Variants in ADAMTS4 observed in about 807,000 individuals in gnomAD.
ADAMTS4 encodes the protein A disintegrin and metalloproteinase with thrombospondin motifs 4.
ADAMTS4 carries 38 observed loss-of-function variants against 66.7 expected under a neutral mutation model. The observed-to-expected ratio is 0.57, with a 90% CI of 0.44 to 0.75. The LOEUF (loss-of-function observed/expected upper bound fraction) is 0.75. Among genes scored for constraint, ADAMTS4 ranks in the 30% least tolerant of loss-of-function variants. ADAMTS4 has a pLI of 0.00. For synonymous variants in ADAMTS4, 418 were observed against 461.5 expected (o/e 0.91, Z 1.21); for missense variants, 1,014 against 1,116.7 (o/e 0.91, Z 1.31).
rs139491371 is a variant in ADAMTS4, at chr1:161,191,373, C to T, written c.2279G>A (p.Arg760His). ...DVVLPGAVSL[R>H]YSGATAASET... ...TGAGGCTGCAGTGGCCCCGCTGTAG[C>T]GCAAGCTGACTGCCCCAGGCAGTAC... The change falls in exon 9 of 9, where the codon CGC (arginine) becomes CAC (histidine). Residue 760 changes from arginine to histidine, a missense_variant. Transcript: ENST00000367996. 63 of 1,614,038 alleles carry T rather than the reference C, an allele frequency of 3.9e-5. 1 individual carries two copies. The highest frequency in any genetic ancestry group is 4.7e-5 in the Non-Finnish European group (56 of 1,180,022).
chr1:161,192,255 A>C lies in ADAMTS4; in HGVS notation c.1912-15T>G. The stretch of plus-strand genomic sequence containing the variant: ...CCATCTACCACCTGAGGAAAAGAGA[A>C]AGAACAATGCTGAAGGTTCCTCCTA... On this transcript the variant is annotated splice_polypyrimidine_tract_variant and intron_variant, in intron 7 of 8. Transcript: ENST00000367996. 6.2e-7 allele frequency: 1 copy of C among 1,611,778 alleles called. No individual in the cohort carries two copies. The highest frequency in any genetic ancestry group is 8.5e-7 in the Non-Finnish European group (1 of 1,178,326).
rs984084303 is a variant in ADAMTS4, at chr1:161,198,137, G to A, written c.491C>T (p.Pro164Leu). ...AGAGTTAGGGGTGCCTCCCTCCAGG[G>A]GCTGGAGGTGGAGTTCAGCCCCCCG... ...QYRGAELHLQ[P>L]LEGGTPNSAG... Residue 164 changes from proline (P) to leucine (L), a missense_variant, in exon 1 of 9, where the codon CCC (proline) becomes CTC (leucine). Transcript: ENST00000367996. This position sits in a 1 kb window ranked among gnomAD's most constrained non-coding sequence, Gnocchi z 4.7. 1 of 1,613,932 alleles carries A rather than the reference G, an allele frequency of 6.2e-7. No individual in the cohort carries two copies. The highest frequency in any genetic ancestry group is 8.5e-7 in the Non-Finnish European group (1 of 1,179,984).
rs916115420 is a variant in ADAMTS4, at chr1:161,185,996, C to T, written c.*5142G>A. The stretch of plus-strand genomic sequence containing the variant: ...CCATCTCATAAAATGGTTGTCCAAA[C>T]TCTTCTTGAACTTCTCTAGGGACAG... On this transcript the variant is annotated 3_prime_UTR_variant, in exon 9 of 9. Coordinates refer to ENST00000367996, the MANE Select transcript of ADAMTS4 (RefSeq NM_005099.6). 6 of 152,362 alleles carry T rather than the reference C, an allele frequency of 3.9e-5. No individual in the cohort carries two copies. The South Asian group carries it at 1.2e-3, about 32-fold the overall frequency. The allele number at this position is 152,362 out of a possible 1,614,324, so 9.4% of individuals were successfully genotyped here. A position where few individuals can be genotyped will look rare whatever the true frequency, so the allele number is the denominator to read the frequency against.
At position 161,191,218 on chromosome 1, in the gene ADAMTS4, G is replaced by C. The variant is rs1664668319; in HGVS notation, c.2434C>G (p.Pro812Ala). 6.2e-7 allele frequency: 1 copy of C among 1,612,132 alleles called. No homozygotes were observed. The highest frequency in any genetic ancestry group is 1.3e-5 in the African/African-American group (1 of 75,054). ...CGGTGCAGCCAGTCCTGGGGAGTGG[G>C]GCGTGGCGTTGAAGGGGTCGGCCGG... Reference protein sequence around the residue: ...VPRPTPSTPRPTPQDWLHRRA... With the variant: ...VPRPTPSTPRATPQDWLHRRA... Residue 812 changes from proline to alanine, a missense_variant, in exon 9 of 9, where the codon CCC (proline) becomes GCC (alanine). Physicochemically the swap from Pro to Ala is conservative, Grantham distance 27. Coordinates refer to ENST00000367996, the MANE Select transcript of ADAMTS4 (RefSeq NM_005099.6).
Position 161,187,325 on chromosome 1 carries a change from T to C in ADAMTS4, c.*3813A>G, listed in dbSNP as rs1441707262. 6.6e-6 allele frequency: 1 copy of C among 152,152 alleles called. No homozygotes were observed. Among genetic ancestry groups the C allele is most frequent in the Non-Finnish European group, 1.5e-5 (1 of 68,044 alleles). The allele number at this position is 152,152 out of a possible 1,614,324, so 9.4% of individuals were successfully genotyped here. On this transcript the variant is annotated 3_prime_UTR_variant, in exon 9 of 9. Transcript: ENST00000367996. ...CTCATTGTACCATCAACTCATAGTA[T>C]CAAGGTCCATAAACATACTATCTGT...
chr1:161,196,901 G>A (rs1487628069), intron 1 of ADAMTS4, 21 bp from the exon 2 acceptor site: 1 of 1,563,008 alleles, frequency 6.4e-7, no homozygotes, highest in African/African-American at 1.4e-5. Flanking sequence ...AAAGGGAGAG[G>A]AAGATCCTGA....
chr1:161,190,233 A>G lies in ADAMTS4; in HGVS notation c.*905T>C, dbSNP rs1197951545. 1 of 152,210 alleles carries G rather than the reference A, an allele frequency of 6.6e-6. No individual in the cohort carries two copies. The highest frequency in any genetic ancestry group is 1.5e-5 in the Non-Finnish European group (1 of 68,052). 9.4% of individuals were successfully genotyped at this position (152,210 alleles called of 1,614,324 possible). On this transcript the variant is annotated 3_prime_UTR_variant, in exon 9 of 9. Transcript: ENST00000367996. ...CCGGGCGTGGTGGTAGGTGCCTATA[A>G]TCTCAGCTACTCGGGAGGCTGAGGC... is the stretch of plus-strand genomic sequence containing the variant.
At position 161,184,319 on chromosome 1, in the gene ADAMTS4, G is replaced by C. The variant is rs1455045960; in HGVS notation, c.*6819C>G. On this transcript the variant is annotated 3_prime_UTR_variant, in exon 9 of 9. Transcript: ENST00000367996. ...AAGAGATATAAGGAAAGGAGAACTGGCCTTTATTGACCACTTACTAAAAGC... is the reference window on the plus strand; with the variant it reads ...AAGAGATATAAGGAAAGGAGAACTGCCCTTTATTGACCACTTACTAAAAGC... 2 of 152,178 alleles carry C rather than the reference G, an allele frequency of 1.3e-5. No homozygotes were observed. Among genetic ancestry groups the C allele is most frequent in the African/African-American group, 4.8e-5 (2 of 41,428 alleles). 9.4% of individuals were successfully genotyped at this position (152,178 alleles called of 1,614,324 possible). A position where few individuals can be genotyped will look rare whatever the true frequency, so the allele number is the denominator to read the frequency against.
chr1:161,193,457 C>T lies in ADAMTS4; in HGVS notation c.1736-69G>A, dbSNP rs1432648976. 6 of 1,569,726 alleles carry T rather than the reference C, an allele frequency of 3.8e-6. No individual in the cohort carries two copies. In the African/African-American group the frequency reaches 4.0e-5, roughly 11 times the overall value. ...TCACCCCACATCCCTCCACCCAACC[C>T]CTGAGAACTCTAGACAGCACAGCTC... On this transcript the variant is annotated intron_variant, in intron 6 of 8. Transcript: ENST00000367996. This position sits in a 1 kb window ranked among gnomAD's most constrained non-coding sequence, Gnocchi z 4.4.
Position 161,198,256 on chromosome 1 carries a change from A to T in ADAMTS4, c.372T>A (p.Pro124=), listed in dbSNP as rs776460703. Residue 124 remains proline (P), a synonymous_variant, in exon 1 of 9, where the codon CCT becomes CCA. Transcript: ENST00000367996. The surrounding 1 kb of genome is among the most constrained non-coding windows in gnomAD (Gnocchi z 4.7). ...TGATGGTGCCAGTCAGGTAGGTGCC[A>T]GGCTCTGCTCCACCCAGCAGCTCAG... ...QAPELLGGAE[P]GTYLTGTING... The T allele has an allele frequency of 1.2e-6, 2 of 1,614,026 alleles. No homozygotes were observed. Among genetic ancestry groups the T allele is most frequent in the Non-Finnish European group, 1.7e-6 (2 of 1,179,994 alleles).
Position 161,198,525 on chromosome 1 carries a change from C to T in ADAMTS4, c.103G>A (p.Val35Met), listed in dbSNP as rs541775593. 80 of 1,567,130 alleles carry T rather than the reference C, an allele frequency of 5.1e-5. 2 individuals are homozygous for T. The South Asian group carries it at 9.0e-4, about 18-fold the overall frequency. ...GCCAGCAGTAGCAGAAGCAGCCACA[C>T]CAGCCAGGAGAGCGGCACAATGGGG... is the stretch of plus-strand genomic sequence containing the variant. ...LLPIVPLSWLVWLLLLLLASL... is the reference protein window; with the variant it reads ...LLPIVPLSWLMWLLLLLLASL... The change falls in exon 1 of 9, where the codon GTG (valine) becomes ATG (methionine). Residue 35 changes from valine (V) to methionine (M), a missense_variant. By Grantham distance (21) the Val-to-Met change is conservative (BLOSUM62 1). Coordinates refer to ENST00000367996, the MANE Select transcript of ADAMTS4 (RefSeq NM_005099.6). The surrounding 1 kb of genome is among the most constrained non-coding windows in gnomAD (Gnocchi z 4.7).
In ADAMTS4 at chr1:161,193,689, G is replaced by T; in HGVS notation, c.1686C>A (p.Arg562=). 3 of 1,613,994 alleles carry T rather than the reference G, an allele frequency of 1.9e-6. No individual in the cohort carries two copies. Among genetic ancestry groups the T allele is most frequent in the Non-Finnish European group, 2.5e-6 (3 of 1,179,960 alleles). Reference sequence around the variant, plus strand: ...TGTTGCAGGAGCGGAAGCGGGTACGGCGGCCCTCACAGTACTTGCCACCAT... The same window carrying T: ...TGTTGCAGGAGCGGAAGCGGGTACGTCGGCCCTCACAGTACTTGCCACCAT... ...PRNGGKYCEG[R]RTRFRSCNTE... The change falls in exon 6 of 9, where the codon CGC becomes CGA. Residue 562 remains arginine (R), a synonymous_variant. Coordinates refer to ENST00000367996, the MANE Select transcript of ADAMTS4 (RefSeq NM_005099.6). This position sits in a 1 kb window ranked among gnomAD's most constrained non-coding sequence, Gnocchi z 4.4.
Position 161,186,495 on chromosome 1 carries a change from T to G in ADAMTS4, c.*4643A>C, listed in dbSNP as rs138685345. The G allele has an allele frequency of 2.0e-5, 3 of 152,324 alleles. No homozygotes were observed. The highest frequency in any genetic ancestry group is 7.2e-5 in the African/African-American group (3 of 41,584). The allele number at this position is 152,324 out of a possible 1,614,324, so 9.4% of individuals were successfully genotyped here. On this transcript the variant is annotated 3_prime_UTR_variant, in exon 9 of 9. Transcript: ENST00000367996. ...AGCTCAGTCTCATTTTCAGAAAAAC[T>G]TACTTATGCCAGTGAGAACCCTACT... is the stretch of plus-strand genomic sequence containing the variant.
In ADAMTS4 at chr1:161,188,849, C is replaced by T. The variant is rs986386584; in HGVS notation, c.*2289G>A. 7 of 138,106 alleles carry T rather than the reference C, an allele frequency of 5.1e-5. 2 individuals are homozygous for T. In the Admixed American group the frequency reaches 5.3e-4, roughly 10 times the overall value. 8.6% of individuals were successfully genotyped at this position (138,106 alleles called of 1,614,324 possible). ...TCTCCTGCCTCAGTCTCCCAAGTAG[C>T]TGGGACTATAGGCACCTGTCACCAT... On this transcript the variant is annotated 3_prime_UTR_variant, in exon 9 of 9. Transcript: ENST00000367996.
In ADAMTS4 at chr1:161,193,207, C is replaced by A. The variant is rs373332448; in HGVS notation, c.1911+6G>T. 3.7e-6 allele frequency: 6 copies of A among 1,610,656 alleles called. No individual in the cohort carries two copies. The African/African-American group carries it at 8.0e-5, about 22-fold the overall frequency. ...AGACAGGGCCTGGGGGTGTCCTGAC[C>A]CTCACCCGTGGCTCCAGCACATAGT... On this transcript the variant is annotated splice_donor_region_variant and intron_variant, in intron 7 of 8. Coordinates refer to ENST00000367996, the MANE Select transcript of ADAMTS4 (RefSeq NM_005099.6). The surrounding 1 kb of genome is among the most constrained non-coding windows in gnomAD (Gnocchi z 4.4).
At chr1:161,196,979 A>G in intron 1 of ADAMTS4, 99 bp from the exon 2 acceptor site, 2 of 1,174,354 alleles carry the variant, frequency 1.7e-6, no homozygotes, top group South Asian at 1.5e-5. Flanking sequence ...GGAACTCAGC[A>G]TAGTCAGCTG....
Position 161,197,980 on chromosome 1 carries a change from T to C in ADAMTS4, c.633+15A>G. 1 of 1,546,490 alleles carries C rather than the reference T, an allele frequency of 6.5e-7. No individual in the cohort carries two copies. The highest frequency in any genetic ancestry group is 8.7e-7 in the Non-Finnish European group (1 of 1,144,882). The stretch of plus-strand genomic sequence containing the variant: ...CGGGAGGACACCGCAGGACACAGAC[T>C]CCAGAGATGCCTACCTTGGCTCTTC... On this transcript the variant is annotated intron_variant, in intron 1 of 8. Coordinates refer to ENST00000367996, the MANE Select transcript of ADAMTS4 (RefSeq NM_005099.6).
chr1:161,196,969 G>C (rs959770557), intron 1 of ADAMTS4, 89 bp from the exon 2 acceptor site: 191 of 1,255,280 alleles, frequency 1.5e-4, no homozygotes, highest in Non-Finnish European at 2.0e-4. Flanking sequence ...TCCTGGGTCT[G>C]GAACTCAGCA....
chr1:161,195,332 C>A (rs1664784037), intron 4 of ADAMTS4, 133 bp downstream of exon 4: 1 of 923,594 alleles, frequency 1.1e-6, no homozygotes, highest in African/African-American at 1.7e-5. Flanking sequence ...GCATTTCTCA[C>A]CCCTTCCCAC....
Sources: allele counts gnomAD v4.1 joint callset, GRCh38; gene constraint gnomAD v4.1.1; non-coding constraint Gnocchi (gnomAD v3.1); transcripts MANE v1.5; gene names NCBI Gene and HGNC (gene_info 2026-07-23, HGNC 2026-07-21).